DYNLL2: variants seen among roughly 807,000 people sequenced by gnomAD.
DYNLL2 encodes dynein light chain LC8-type 2, also known as dynein light chain 2, cytoplasmic.
Under a neutral mutation model 9.7 loss-of-function variants are expected in DYNLL2, and 1 was observed. The observed-to-expected ratio is 0.10, with a 90% CI of 0.04 to 0.49. The LOEUF is 0.49. DYNLL2 is among the 20% of genes least tolerant of loss of function. The pLI is 0.95. For synonymous variants in DYNLL2, 35 were observed against 40.5 expected, an observed-to-expected ratio of 0.86 and a Z score of 0.52; for missense variants, 37 against 115.2, an observed-to-expected ratio of 0.32 and a Z score of 3.11.
chr17:58,085,441 G>T lies in DYNLL2; in HGVS notation c.-9-1641G>T, dbSNP rs144421573. On this transcript the variant is annotated intron_variant, in intron 1 of 2. Transcript: ENST00000579991. ...CCTTGAGCAGGCAGCCTCCTGTGTA[G>T]CCTTCCATCAGATAGAGCTGGAATG... 2.5e-3 allele frequency among the ~76,000 whole-genome samples: 375 copies of T among 152,288 alleles called. 2 individuals are homozygous for T. The highest frequency in any genetic ancestry group is 2.4e-3 in the Non-Finnish European group (164 of 68,026).
Position 58,089,525 on chromosome 17 carries a change from G to A in DYNLL2, c.*246G>A, listed in dbSNP as rs1342016634. The A allele has an allele frequency of 4.0e-6, 2 of 506,296 alleles. No individual in the cohort carries two copies. Among genetic ancestry groups the A allele is most frequent in the Non-Finnish European group, 6.7e-6 (2 of 296,704 alleles). The allele number at this position is 506,296 out of a possible 1,614,324, so 31.4% of individuals were successfully genotyped here. ...AAGACTTTAAAAATATTTTTTGGTT[G>A]TATTGCACTAGGAAATCTCTCCCAC... is the stretch of plus-strand genomic sequence containing the variant. On this transcript the variant is annotated 3_prime_UTR_variant, in exon 3 of 3. Coordinates refer to ENST00000579991, the MANE Select transcript of DYNLL2 (RefSeq NM_080677.3).
rs2075763360 is a variant in DYNLL2 at position 58,087,225 on chromosome 17, G to A, written c.132+3G>A. On this transcript the variant is annotated splice_donor_region_variant and intron_variant, in intron 2 of 2. Transcript: ENST00000579991. ...ACATTGCTGCCTATATCAAGAAGGT[G>A]TGCTGGGAGAGCTGGGACTGATGGC... 1 of 1,612,942 alleles carries A rather than the reference G, an allele frequency of 6.2e-7. No individual in the cohort carries two copies. Among genetic ancestry groups the A allele is most frequent in the South Asian group, 1.1e-5 (1 of 91,082 alleles).
intron 1 of DYNLL2, among the ~76,000 whole-genome samples, chr17:58,085,353 C>G (rs2075755903): frequency 6.6e-6 from 1 of 152,182 alleles, no homozygotes; most frequent in Non-Finnish European, 1.5e-5. Flanking sequence ...TTTCAGCCAT[C>G]TAGCCCACAG....
chr17:58,093,607 T>C lies in DYNLL2; in HGVS notation c.*4328T>C, dbSNP rs2333091. On this transcript the variant is annotated 3_prime_UTR_variant, in exon 3 of 3. Transcript: ENST00000579991. ...CTTTAAGATGTAGGCCCAGATCTCT[T>C]AGTAGTGAATCCCTGATGTTCCCTC... is the stretch of plus-strand genomic sequence containing the variant. 0.21 allele frequency: 31,316 copies of C among 152,036 alleles called. 5,337 individuals are homozygous for C. The highest frequency in any genetic ancestry group is 0.47 in the African/African-American group (19,363 of 41,372). 9.4% of individuals were successfully genotyped at this position (152,036 alleles called of 1,614,324 possible).
chr17:58,092,692 C>G lies in DYNLL2; in HGVS notation c.*3413C>G, dbSNP rs1428128150. 1 of 152,278 alleles carries G rather than the reference C, an allele frequency of 6.6e-6. No homozygotes were observed. The highest frequency in any genetic ancestry group is 1.5e-5 in the Non-Finnish European group (1 of 68,090). 9.4% of individuals were successfully genotyped at this position (152,278 alleles called of 1,614,324 possible). On this transcript the variant is annotated 3_prime_UTR_variant, in exon 3 of 3. Transcript: ENST00000579991. ...AGTCTGTAGGGTTCAGTCCCCCTCC[C>G]CACTGGGAACAGCAGGAAAGGGCAA...
intron 2 of DYNLL2, among the ~76,000 whole-genome samples, chr17:58,088,246 C>T (rs966794311): frequency 5.3e-5 from 8 of 152,168 alleles, no homozygotes; most frequent in African/African-American, 1.9e-4. Context: ...ACTGGCTCTC[C>T]TGTATTACAC....
chr17:58,089,101 T>C (rs111433106), intron 2 of DYNLL2, 41 bp from the exon 3 acceptor site: 2 of 1,611,034 alleles, frequency 1.2e-6, no homozygotes, highest in Non-Finnish European at 1.7e-6. Flanking sequence ...CTTCTCCAGC[T>C]ACCCTAATTA....
chr17:58,087,590 G>T (rs994991115), intron 2 of DYNLL2, among the ~76,000 whole-genome samples: 4 of 152,158 alleles, frequency 2.6e-5, no homozygotes, highest in Non-Finnish European at 5.9e-5. Flanking sequence ...AGAATAAGAT[G>T]TACAAATTTT....
At chr17:58,084,087 C>G (rs919255480) in intron 1 of DYNLL2, among the ~76,000 whole-genome samples, 2 of 152,092 alleles carry the variant, frequency 1.3e-5, no homozygotes, top group Non-Finnish European at 2.9e-5. Flanking sequence ...CTGGGGCGTC[C>G]TTCCTGCAGC....
intron 1 of DYNLL2, among the ~76,000 whole-genome samples, chr17:58,085,416 C>T (rs1459765349): frequency 6.6e-6 from 1 of 152,160 alleles, no homozygotes; most frequent in African/African-American, 2.4e-5. Flanking sequence ...AAGGATATGT[C>T]CTTGAGCAGG....
In DYNLL2 at chr17:58,087,765, G is replaced by A. The variant is rs537364541; in HGVS notation, c.132+543G>A. ...AATATATAATTTTTAAGAAATGGAT[G>A]AGCAATAATGGGGCCATAGGTTTGG... On this transcript the variant is annotated intron_variant, in intron 2 of 2. Coordinates refer to ENST00000579991, the MANE Select transcript of DYNLL2 (RefSeq NM_080677.3). Among the ~76,000 whole-genome samples the A allele has an allele frequency of 1.1e-4, 17 of 152,306 alleles. 1 individual carries two copies. The highest frequency in any genetic ancestry group is 6.5e-5 in the Admixed American group (1 of 15,302).
In DYNLL2 at chr17:58,090,601, G is replaced by A. The variant is rs1399675772; in HGVS notation, c.*1322G>A. The A allele has an allele frequency of 6.5e-6, 1 of 152,724 alleles. No individual in the cohort carries two copies. Among genetic ancestry groups the A allele is most frequent in the Non-Finnish European group, 1.5e-5 (1 of 68,450 alleles). The allele number at this position is 152,724 out of a possible 1,614,324, so 9.5% of individuals were successfully genotyped here. Reference sequence around the variant, plus strand: ...GGGAGGTGAGGATAGAAGTGATAAAGAGCTAAGAGGAGCTTCTGGGAGCCT... The same window carrying A: ...GGGAGGTGAGGATAGAAGTGATAAAAAGCTAAGAGGAGCTTCTGGGAGCCT... On this transcript the variant is annotated 3_prime_UTR_variant, in exon 3 of 3. Coordinates refer to ENST00000579991, the MANE Select transcript of DYNLL2 (RefSeq NM_080677.3).
intron 2 of DYNLL2, among the ~76,000 whole-genome samples, chr17:58,087,945 C>A (rs901234871): frequency 6.6e-6 from 1 of 152,234 alleles, no homozygotes; most frequent in South Asian, 2.1e-4. Context: ...TTGATATTCT[C>A]AGCTCTGGCA....
rs2075781483 is a variant in DYNLL2, at chr17:58,091,886, A to AT, written c.*2610dup. 6.6e-6 allele frequency: 1 copy of AT among 152,220 alleles called. No individual in the cohort carries two copies. 9.4% of individuals were successfully genotyped at this position (152,220 alleles called of 1,614,324 possible). A position where few individuals can be genotyped will look rare whatever the true frequency, so the allele number is the denominator to read the frequency against. ...TGTTACTATTTCTTTACTCAAAAAT[A>AT]TTTAAGAGTTCTTGTATGCTTGGGC... On this transcript the variant is annotated 3_prime_UTR_variant, in exon 3 of 3. Transcript: ENST00000579991.
In DYNLL2 at chr17:58,087,164, C is replaced by T; in HGVS notation, c.74C>T (p.Ala25Val). The T allele has an allele frequency of 6.2e-7, 1 of 1,614,240 alleles. No homozygotes were observed. The highest frequency in any genetic ancestry group is 8.5e-7 in the Non-Finnish European group (1 of 1,180,034). The stretch of plus-strand genomic sequence containing the variant: ...ATGCAACAGGATGCCGTTGACTGCG[C>T]CACGCAGGCCATGGAGAAGTACAAT... ...EDMQQDAVDC[A>V]TQAMEKYNIE... The change falls in exon 2 of 3, where the codon GCC becomes GTC. Residue 25 changes from alanine to valine, a missense_variant. By Grantham distance (64) the Ala-to-Val change is moderately conservative. Coordinates refer to ENST00000579991, the MANE Select transcript of DYNLL2 (RefSeq NM_080677.3).
rs1218698116 is a variant in DYNLL2, at chr17:58,093,789, G to C, written c.*4510G>C. Reference sequence around the variant, plus strand: ...TTAGAAAGGAGAGCAGACGCCTAGAGTTCTGACCTCTTGGGCCTCCCCTAA... The same window carrying C: ...TTAGAAAGGAGAGCAGACGCCTAGACTTCTGACCTCTTGGGCCTCCCCTAA... On this transcript the variant is annotated 3_prime_UTR_variant, in exon 3 of 3. Transcript: ENST00000579991. The C allele has an allele frequency of 6.6e-6, 1 of 152,224 alleles. No individual in the cohort carries two copies. The highest frequency in any genetic ancestry group is 2.4e-5 in the African/African-American group (1 of 41,446). 9.4% of individuals were successfully genotyped at this position (152,224 alleles called of 1,614,324 possible).
rs1356084777 is a variant in DYNLL2 at position 58,090,777 on chromosome 17, G to C, written c.*1498G>C. 6.6e-6 allele frequency: 1 copy of C among 151,212 alleles called. No homozygotes were observed. The highest frequency in any genetic ancestry group is 1.5e-5 in the Non-Finnish European group (1 of 67,882). 9.4% of individuals were successfully genotyped at this position (151,212 alleles called of 1,614,324 possible). A position where few individuals can be genotyped will look rare whatever the true frequency, so the allele number is the denominator to read the frequency against. On this transcript the variant is annotated 3_prime_UTR_variant, in exon 3 of 3. Coordinates refer to ENST00000579991, the MANE Select transcript of DYNLL2 (RefSeq NM_080677.3). ...GGTTTGGGGTGGGGTGGTCATTGCC[G>C]TTTGAGCTGCTGATTTTCATGAGTC... is the stretch of plus-strand genomic sequence containing the variant.
Position 58,089,858 on chromosome 17 carries a change from T to G in DYNLL2, c.*579T>G, listed in dbSNP as rs1043358397. On this transcript the variant is annotated 3_prime_UTR_variant, in exon 3 of 3. Transcript: ENST00000579991. ...GGGCGGAGGGTGGGGTGGGGATGCCTTCTTTAGGGGCCCTGAGATGTGTTT... is the reference window on the plus strand; with the variant it reads ...GGGCGGAGGGTGGGGTGGGGATGCCGTCTTTAGGGGCCCTGAGATGTGTTT... 2.5e-6 allele frequency: 1 copy of G among 398,774 alleles called. No homozygotes were observed. Among genetic ancestry groups the G allele is most frequent in the Non-Finnish European group, 4.4e-6 (1 of 226,272 alleles). 24.7% of individuals were successfully genotyped at this position (398,774 alleles called of 1,614,324 possible).
chr17:58,087,255 G>A, intron 2 of DYNLL2, 33 bp downstream of exon 2: 1 of 1,610,446 alleles, frequency 6.2e-7, no homozygotes, highest in Non-Finnish European at 8.5e-7. Flanking sequence ...GATGGCCAGG[G>A]GTGGGGATCG....
Sources: allele counts gnomAD v4.1 joint callset (sites outside exome capture counted in the v4.1 genomes callset), GRCh38; gene constraint gnomAD v4.1.1; transcripts MANE v1.5; gene names NCBI Gene and HGNC (gene_info 2026-07-23, HGNC 2026-07-21).